The following NLGN4X variants were observed in gnomAD, a reference collection of about 807,000 sequenced individuals.
NLGN4X encodes neuroligin 4 X-linked, also known as neuroligin-4, X-linked.
NLGN4X carries 3 observed loss-of-function variants against 40.3 expected under a neutral mutation model. That is an observed-to-expected ratio of 0.07 (90% CI 0.03 to 0.19). NLGN4X has a LOEUF of 0.19. NLGN4X is among the 10% of genes least tolerant of loss of function. The probability of loss-of-function intolerance (pLI) is 1.00; values close to 1 mark genes in which losing one functional copy is unlikely to be tolerated. For missense variants in NLGN4X, 382 were observed against 708.3 expected (o/e 0.54, Z 5.23); for synonymous variants, 270 against 306.8 (o/e 0.88, Z 1.25).
At position 5,893,622 on chromosome X, in the gene NLGN4X, G is replaced by A. The variant is rs2031326469; in HGVS notation, c.1646C>T (p.Thr549Ile). The A allele has an allele frequency of 8.3e-7, 1 of 1,209,402 alleles. No individual in the cohort carries two copies. Among genetic ancestry groups the A allele is most frequent in the Admixed American group, 2.2e-5 (1 of 45,654 alleles). Residue 549 changes from threonine to isoleucine, a missense_variant, in exon 6 of 6, where the codon ACA (threonine) becomes ATA (isoleucine). Thr to Ile is a moderately conservative substitution (Grantham distance 89). Transcript: ENST00000381095. ...PVPQDTKFIHTKPNRFEEVAW... is the reference protein window; with the variant it reads ...PVPQDTKFIHIKPNRFEEVAW... ...CACTTCTTCAAAGCGGTTGGGTTTT[G>A]TGTGAATGAACTTGGTATCCTGAGG...
Position 5,946,719 on chromosome X carries a change from G to C in NLGN4X, c.626-37480C>G, listed in dbSNP as rs1390139832. 2.7e-5 allele frequency among the ~76,000 whole-genome samples: 3 copies of C among 111,277 alleles called. No individual in the cohort carries two copies. The East Asian group carries it at 8.6e-4, about 32-fold the overall frequency. ...TTTAGGTTCAGGGGTGCATGTGCAG[G>C]TTTGTTATGCAGGTAAACTAGTGTC... On this transcript the variant is annotated intron_variant, in intron 3 of 5. Coordinates refer to ENST00000381095, the MANE Select transcript of NLGN4X (RefSeq NM_181332.3).
At chrX:6,052,827 C>A (rs1473398747) in intron 2 of NLGN4X, among the ~76,000 whole-genome samples, 6 of 112,487 alleles carry the variant, frequency 5.3e-5, no homozygotes, top group African/African-American at 1.9e-4. Flanking sequence ...TCAGTAGATT[C>A]CATAGAAGCT....
intron 2 of NLGN4X, among the ~76,000 whole-genome samples, chrX:6,133,742 T>C (rs2039740466): frequency 8.9e-6 from 1 of 111,807 alleles, no homozygotes; most frequent in Non-Finnish European, 1.9e-5. Flanking sequence ...TTGAAAACAA[T>C]TGCTGTCTGA....
At chrX:6,093,644 A>T (rs2038692443) in intron 2 of NLGN4X, among the ~76,000 whole-genome samples, 1 of 111,783 alleles carries the variant, frequency 8.9e-6, no homozygotes, top group Non-Finnish European at 1.9e-5. Flanking sequence ...GAAATTATAG[A>T]TATCTGTCAT....
intron 2 of NLGN4X, among the ~76,000 whole-genome samples, chrX:6,072,768 A>C (rs1372578836): frequency 9.0e-6 from 1 of 110,890 alleles, no homozygotes; most frequent in East Asian, 2.9e-4. Context: ...TTAATGCCTC[A>C]TCCCTCACTG....
intron 4 of NLGN4X, 96 bp from the exon 5 acceptor site, chrX:5,903,962 T>A: frequency 9.5e-7 from 1 of 1,054,158 alleles, no homozygotes; most frequent in Admixed American, 2.3e-5. Context: ...CTCTCAGGCA[T>A]GTGAGTTTCT....
chrX:6,164,693 G>A (rs2040465072), intron 1 of NLGN4X, among the ~76,000 whole-genome samples: 1 of 111,497 alleles, frequency 9.0e-6, no homozygotes, highest in Non-Finnish European at 1.9e-5. Flanking sequence ...TATCCGAAAA[G>A]CTGAGTGTCT....
intron 1 of NLGN4X, among the ~76,000 whole-genome samples, chrX:6,200,646 T>C (rs1230827032): frequency 4.5e-5 from 5 of 110,131 alleles, no homozygotes; most frequent in Non-Finnish European, 9.5e-5. Context: ...TAAATACCTG[T>C]TTTAAAGTGC....
intron 1 of NLGN4X, among the ~76,000 whole-genome samples, chrX:6,217,334 T>G (rs17260080): frequency 0.12 from 13,242 of 111,767 alleles, 643 homozygotes; most frequent in African/African-American, 0.16. Context: ...CTAAATACAT[T>G]TGATTGTGAA....
chrX:5,936,040 C>T lies in NLGN4X; in HGVS notation c.626-26801G>A, dbSNP rs780226557. Among the ~76,000 whole-genome samples the T allele has an allele frequency of 1.2e-4, 13 of 111,964 alleles. No individual in the cohort carries two copies. The East Asian group carries it at 3.6e-3, about 31-fold the overall frequency. On this transcript the variant is annotated intron_variant, in intron 3 of 5. Coordinates refer to ENST00000381095, the MANE Select transcript of NLGN4X (RefSeq NM_181332.3). ...GAACTGAGGGGAATCCCAAAATCTT[C>T]GTGTTCTAATCTTAATTTGTGCACA...
intron 3 of NLGN4X, among the ~76,000 whole-genome samples, chrX:6,020,861 T>G (rs1397899224): frequency 9.0e-5 from 10 of 110,630 alleles, no homozygotes; most frequent in Non-Finnish European, 3.8e-5. Flanking sequence ...ACTCTGTTGC[T>G]GAGACTGGAG....
intron 2 of NLGN4X, among the ~76,000 whole-genome samples, chrX:6,063,425 C>T (rs1480207019): frequency 8.0e-5 from 9 of 111,977 alleles, no homozygotes; most frequent in East Asian, 5.6e-4. Flanking sequence ...TTGGAGAGTA[C>T]GGTGAGCTAT....
chrX:6,050,314 T>C (rs2037450290), intron 2 of NLGN4X, among the ~76,000 whole-genome samples: 1 of 111,932 alleles, frequency 8.9e-6, no homozygotes, highest in South Asian at 3.8e-4. Context: ...AAGAGGTCTA[T>C]CTATCCATCT....
chrX:5,913,005 AGGAG>A (rs1206424260), intron 3 of NLGN4X, among the ~76,000 whole-genome samples: 1 of 55,624 alleles, frequency 1.8e-5, no homozygotes, highest in Non-Finnish European at 3.1e-5. Flanking sequence ...GAAGGAAGGT[AGGAG>A]GGAGGGAGGG....
chrX:6,134,771 A>G (rs1417657785), intron 2 of NLGN4X, among the ~76,000 whole-genome samples: 2 of 112,348 alleles, frequency 1.8e-5, no homozygotes, highest in East Asian at 2.8e-4. Context: ...ACCAGGTTAT[A>G]TCACCAGCCT....
chrX:6,028,531 C>T lies in NLGN4X; in HGVS notation c.625+749G>A, dbSNP rs140027708. Among the ~76,000 whole-genome samples, 208 of 110,007 alleles carry T rather than the reference C, an allele frequency of 1.9e-3. 2 individuals carry two copies. In the East Asian group the frequency reaches 0.025, roughly 13 times the overall value. On this transcript the variant is annotated intron_variant, in intron 3 of 5. Coordinates refer to ENST00000381095, the MANE Select transcript of NLGN4X (RefSeq NM_181332.3). ...AAAATTAGCTGAGTGTGGTGGCATG[C>T]GCCTGTAGTCCCAGCTACTTGGGAG...
At chrX:5,989,065 CTCAAAAAAA>C (rs1256365237) in intron 3 of NLGN4X, among the ~76,000 whole-genome samples, 5 of 96,436 alleles carry the variant, frequency 5.2e-5, no homozygotes, top group Admixed American at 4.6e-4. Flanking sequence ...GAGACTCTGT[CTCAAAAAAA>C]TAAAAAAAAT....
intron 2 of NLGN4X, among the ~76,000 whole-genome samples, chrX:6,146,722 C>A (rs1169717903): frequency 9.3e-6 from 1 of 107,029 alleles, no homozygotes; most frequent in Non-Finnish European, 1.9e-5. Context: ...CCCAAAATTT[C>A]ACTTTTCTAG....
At chrX:6,045,022 A>G (rs2037281932) in intron 2 of NLGN4X, among the ~76,000 whole-genome samples, 1 of 112,332 alleles carries the variant, frequency 8.9e-6, no homozygotes, top group Non-Finnish European at 1.9e-5. Flanking sequence ...AATAAAATAT[A>G]AAGTGTATTG....
Sources: gnomAD v4.1 joint callset for allele counts (sites outside exome capture counted in the v4.1 genomes callset) on GRCh38, gnomAD v4.1.1 for gene constraint, MANE v1.5 for transcripts, NCBI Gene and HGNC (gene_info 2026-07-23, HGNC 2026-07-21) for gene names.